Variants in TEC observed in about 807,000 individuals in gnomAD.
The protein encoded by TEC is tyrosine-protein kinase Tec.
TEC carries 72 observed loss-of-function variants against 93.0 expected under a neutral mutation model. The ratio of observed to expected loss-of-function variants is 0.77; its 90% CI spans 0.64 to 0.94. The LOEUF is 0.94. Among genes scored for constraint, TEC ranks in the 40% least tolerant of loss-of-function variants. TEC has a pLI of 0.00. For missense variants in TEC, 630 were observed against 757.9 expected (o/e 0.83, Z 1.98); for synonymous variants, 249 against 247.7 (o/e 1.01, Z -0.05).
At chr4:48,141,328 C>T in intron 15 of TEC, 27 bp downstream of exon 15, 1 of 1,608,128 alleles carries the variant, frequency 6.2e-7, no homozygotes, top group Non-Finnish European at 8.5e-7. Flanking sequence ...GCAAACATCA[C>T]CTAAAACCAC....
At chr4:48,238,038 A>G (rs1723831027) in intron 1 of TEC, among the ~76,000 whole-genome samples, 1 of 152,234 alleles carries the variant, frequency 6.6e-6, no homozygotes, top group African/African-American at 2.4e-5. Flanking sequence ...CTTCTGCAAT[A>G]TATACTCTCA....
At chr4:48,236,350 C>T (rs538499336) in intron 1 of TEC, among the ~76,000 whole-genome samples, 1 of 151,756 alleles carries the variant, frequency 6.6e-6, no homozygotes, top group South Asian at 2.1e-4. Flanking sequence ...GGCGCAATCT[C>T]GGCTCATGGC....
At chr4:48,264,584 A>G (rs1477485866) in intron 1 of TEC, among the ~76,000 whole-genome samples, 1 of 151,762 alleles carries the variant, frequency 6.6e-6, no homozygotes, top group Non-Finnish European at 1.5e-5. Context: ...TAAAAAGCCC[A>G]GCCAGATTCC....
At chr4:48,188,844 C>T (rs939301875) in intron 2 of TEC, among the ~76,000 whole-genome samples, 1 of 152,052 alleles carries the variant, frequency 6.6e-6, no homozygotes, top group African/African-American at 2.4e-5. Flanking sequence ...ATGGAAAGTA[C>T]ACAGCAATAT....
chr4:48,173,675 A>C (rs1172173725), intron 3 of TEC, among the ~76,000 whole-genome samples: 1 of 152,182 alleles, frequency 6.6e-6, no homozygotes, highest in Non-Finnish European at 1.5e-5. Context: ...GTAGTTACCC[A>C]CCCTCCTATT....
At chr4:48,179,376 A>ATT (rs1159156668) in intron 2 of TEC, among the ~76,000 whole-genome samples, 264 of 21,146 alleles carry the variant, frequency 0.012, 17 homozygotes, top group Non-Finnish European at 0.016. Context: ...ATATATATAT[A>ATT]TTTTTTTTTT....
intron 2 of TEC, among the ~76,000 whole-genome samples, chr4:48,198,476 T>A (rs1425299087): frequency 6.6e-6 from 1 of 152,260 alleles, no homozygotes; most frequent in Non-Finnish European, 1.5e-5. Context: ...AACCTGGTAC[T>A]GGAATCCCAT....
At chr4:48,173,526 G>T (rs569602250) in intron 3 of TEC, among the ~76,000 whole-genome samples, 1 of 152,298 alleles carries the variant, frequency 6.6e-6, no homozygotes, top group East Asian at 1.9e-4. Flanking sequence ...AGGGAGCTGT[G>T]TTTCTCTCTG....
At chr4:48,173,283 A>C (rs1721188070) in intron 3 of TEC, among the ~76,000 whole-genome samples, 1 of 152,146 alleles carries the variant, frequency 6.6e-6, no homozygotes, top group Admixed American at 6.5e-5. Context: ...AGTTTGTTAG[A>C]CTAGCTAACC....
intron 3 of TEC, among the ~76,000 whole-genome samples, chr4:48,172,144 G>A (rs4695342): frequency 0.38 from 57,671 of 152,098 alleles, 11,961 homozygotes; most frequent in East Asian, 0.9. Flanking sequence ...TCACTTAGAG[G>A]TAGTCCTTGG....
intron 3 of TEC, among the ~76,000 whole-genome samples, chr4:48,171,930 G>C (rs4695340): frequency 6.6e-6 from 1 of 152,028 alleles, no homozygotes; most frequent in Non-Finnish European, 1.5e-5. Flanking sequence ...ATCAAGGTAC[G>C]AGTTTTTCTA....
At chr4:48,212,351 T>C (rs1283002492) in intron 2 of TEC, among the ~76,000 whole-genome samples, 1 of 151,932 alleles carries the variant, frequency 6.6e-6, no homozygotes, top group African/African-American at 2.4e-5. Context: ...TGAATAGAGG[T>C]GGTCAGTGAA....
intron 1 of TEC, among the ~76,000 whole-genome samples, chr4:48,263,955 C>T (rs1724567310): frequency 6.6e-6 from 1 of 152,154 alleles, no homozygotes; most frequent in Non-Finnish European, 1.5e-5. Context: ...TGAATGGTGC[C>T]AGTCTCTGGA....
rs759676495 is a variant in TEC, at chr4:48,228,565, T to G, written c.50A>C (p.Gln17Pro). 8.7e-6 allele frequency: 14 copies of G among 1,613,878 alleles called. No individual in the cohort carries two copies. Among genetic ancestry groups the G allele is most frequent in the Admixed American group, 3.3e-5 (2 of 59,962 alleles). The change falls in exon 2 of 18, where the codon CAG becomes CCG. Residue 17 changes from glutamine to proline, a missense_variant. Transcript: ENST00000381501. ...LEEILIKRSQ[Q>P]KKKTSPLNYK... ...GTTTAAGGGCGATGTCTTCTTTTTC[T>G]GCTGTGACCTTTTAATAAGAATCTC...
chr4:48,217,239 G>C (rs1343227154), intron 2 of TEC, among the ~76,000 whole-genome samples: 6 of 152,102 alleles, frequency 3.9e-5, no homozygotes, highest in Admixed American at 3.9e-4. Context: ...GAGTAGTTGG[G>C]ATTACAGGTG....
chr4:48,176,996 T>G (rs1721359319), intron 2 of TEC, among the ~76,000 whole-genome samples: 1 of 152,174 alleles, frequency 6.6e-6, no homozygotes, highest in Non-Finnish European at 1.5e-5. Context: ...ACAGAAAGCT[T>G]CCATTCAGAG....
chr4:48,137,413 C>A lies in TEC; in HGVS notation c.*3G>T. On this transcript the variant is annotated 3_prime_UTR_variant, in exon 18 of 18. Coordinates refer to ENST00000381501, the MANE Select transcript of TEC (RefSeq NM_003215.3). ...AATCTGGGAGCCACTGGTCACACATCACTTATCTTCCAAAAGTTTCTTCAC... is the reference window on the plus strand; with the variant it reads ...AATCTGGGAGCCACTGGTCACACATAACTTATCTTCCAAAAGTTTCTTCAC... 1 of 1,613,614 alleles carries A rather than the reference C, an allele frequency of 6.2e-7. No individual in the cohort carries two copies. The highest frequency in any genetic ancestry group is 1.3e-5 in the African/African-American group (1 of 75,038).
intron 3 of TEC, 30 bp downstream of exon 3, chr4:48,176,052 C>T (rs1721312025): frequency 6.5e-7 from 1 of 1,544,072 alleles, no homozygotes; most frequent in African/African-American, 1.4e-5. Flanking sequence ...AAGCCCAGCA[C>T]TGCACTGCCA....
intron 2 of TEC, among the ~76,000 whole-genome samples, 189 bp downstream of exon 2, chr4:48,228,288 T>C (rs565402713): frequency 1.2e-4 from 19 of 152,352 alleles, no homozygotes; most frequent in African/African-American, 4.3e-4. Flanking sequence ...AGGTTAATTA[T>C]AATAAACCTA....
Sources: gnomAD v4.1 joint callset for allele counts (sites outside exome capture counted in the v4.1 genomes callset) on GRCh38, gnomAD v4.1.1 for gene constraint, MANE v1.5 for transcripts, NCBI Gene and HGNC (gene_info 2026-07-23, HGNC 2026-07-21) for gene names.